The following MESP1 variants were observed in gnomAD, a reference collection of about 807,000 sequenced individuals.
MESP1 encodes mesoderm posterior bHLH transcription factor 1.
MESP1 carries 22 observed loss-of-function variants against 15.2 expected under a neutral mutation model. The observed-to-expected ratio is 1.45, with a 90% CI of 1.04 to 2.07. MESP1 has a LOEUF of 2.07. Among genes scored for constraint, MESP1 ranks in the 30% most tolerant of loss-of-function variants. The probability of loss-of-function intolerance (pLI) is 0.00; values close to 1 mark genes in which losing one functional copy is unlikely to be tolerated. For missense variants in MESP1, 484 were observed against 411.9 expected, an observed-to-expected ratio of 1.17 and a Z score of -1.51; for synonymous variants, 216 against 192.6, an observed-to-expected ratio of 1.12 and a Z score of -1.01.
the MESP1 span, chr15:89,737,430 C>A: frequency 8.9e-7 from 1 of 1,118,134 alleles, no homozygotes; most frequent in Non-Finnish European, 1.3e-6. Flanking sequence ...CTCCAGCAGC[C>A]CTGGATGGAT....
chr15:89,735,022 A>T, the MESP1 span, among the ~76,000 whole-genome samples: 45 of 134,402 alleles, frequency 3.3e-4, no homozygotes, highest in Admixed American at 2.5e-3. Flanking sequence ...CCTTCCGTGC[A>T]TCCTTCTTTC....
downstream of MESP1, among the ~76,000 whole-genome samples, chr15:89,745,477 G>A (rs115265700): frequency 0.021 from 3,212 of 152,226 alleles, 121 homozygotes; most frequent in African/African-American, 0.074. This position sits in a 1 kb window ranked among gnomAD's most constrained non-coding sequence, Gnocchi z 4.8. Context: ...TCAAGAACCT[G>A]TGTTGGCCGG....
chr15:89,737,497 G>A, the MESP1 span: 2 of 1,572,650 alleles, frequency 1.3e-6, no homozygotes, highest in East Asian at 2.2e-5. Context: ...TTCCTTACTG[G>A]GGTGACCTCT....
downstream of MESP1, chr15:89,748,751 T>C (rs1248169309): frequency 6.6e-6 from 1 of 151,482 alleles, no homozygotes; most frequent in African/African-American, 2.4e-5. Context: ...GGACTGGGAG[T>C]AGGGAATAGT....
At chr15:89,746,090 A>C (rs527684143), downstream of MESP1, among the ~76,000 whole-genome samples, 13 of 147,100 alleles carry the variant, frequency 8.8e-5, no homozygotes, top group Non-Finnish European at 1.3e-4. Flanking sequence ...ACACACCTCC[A>C]CACAGCATCC....
chr15:89,748,373 C>T (rs568342907), downstream of MESP1, among the ~76,000 whole-genome samples: 22 of 152,114 alleles, frequency 1.4e-4, no homozygotes, highest in East Asian at 5.8e-4. Flanking sequence ...AGCGCCAGGC[C>T]GGGTGTGCCC....
At chr15:89,733,936 ATCTC>A in the MESP1 span, among the ~76,000 whole-genome samples, 1 of 150,260 alleles carries the variant, frequency 6.7e-6, no homozygotes, top group African/African-American at 2.4e-5. Context: ...TTCTCCAGGG[ATCTC>A]TCTCTCTTTT....
chr15:89,743,332 C>A, the MESP1 span: 6 of 1,614,056 alleles, frequency 3.7e-6, no homozygotes, highest in African/African-American at 6.7e-5. Context: ...GGAGGAGGAG[C>A]ACTGGGCCCG....
the MESP1 span, chr15:89,738,191 A>C: frequency 6.1e-4 from 985 of 1,613,870 alleles, 1 homozygote; most frequent in Non-Finnish European, 7.9e-4. Flanking sequence ...GCCTTCCCCC[A>C]AGCACTGCCA....
chr15:89,748,934 G>T (rs966707945), downstream of MESP1: 1 of 152,224 alleles, frequency 6.6e-6, no homozygotes, highest in Non-Finnish European at 1.5e-5. Flanking sequence ...AACAGACACT[G>T]AAGCCTGTGT....
At chr15:89,735,061 T>G in the MESP1 span, among the ~76,000 whole-genome samples, 3 of 151,624 alleles carry the variant, frequency 2.0e-5, no homozygotes, top group Non-Finnish European at 4.4e-5. Flanking sequence ...TGTTTGGTTT[T>G]GTTTGAGACA....
At position 89,749,928 on chromosome 15, in the gene MESP1, C is replaced by T; in HGVS notation, c.*216G>A. Reference sequence around the variant, plus strand: ...AATAAATTCACATTAGGCAGAGCCTCCTGCTTGCCTCAAAGTGTCTAGCCC... The same window carrying T: ...AATAAATTCACATTAGGCAGAGCCTTCTGCTTGCCTCAAAGTGTCTAGCCC... On this transcript the variant is annotated 3_prime_UTR_variant, in exon 2 of 2. Transcript: ENST00000300057. 1.7e-6 allele frequency: 1 copy of T among 575,194 alleles called. No homozygotes were observed. Among genetic ancestry groups the T allele is most frequent in the East Asian group, 2.8e-5 (1 of 35,594 alleles). 35.6% of individuals were successfully genotyped at this position (575,194 alleles called of 1,614,324 possible).
At chr15:89,737,269 C>A in the MESP1 span, among the ~76,000 whole-genome samples, 34 of 152,250 alleles carry the variant, frequency 2.2e-4, no homozygotes, top group Non-Finnish European at 2.9e-4. Context: ...GGAATCTTGG[C>A]TACATGGAGG....
At chr15:89,750,309 G>A (rs1490994196) in intron 1 of MESP1, 82 bp from the exon 2 acceptor site, 6 of 1,575,850 alleles carry the variant, frequency 3.8e-6, no homozygotes, top group South Asian at 1.1e-5. Flanking sequence ...TCCACTCTCA[G>A]GGGGCCCCTA....
intron 1 of MESP1, 26 bp downstream of exon 1, chr15:89,750,482 AG>A (rs1475253240): frequency 1.4e-6 from 2 of 1,439,116 alleles, no homozygotes; most frequent in South Asian, 2.8e-5. Flanking sequence ...GCACGGACGA[AG>A]GGGGCGCGGG....
chr15:89,739,060 G>A, the MESP1 span, among the ~76,000 whole-genome samples: 26 of 151,332 alleles, frequency 1.7e-4, no homozygotes, highest in Non-Finnish European at 3.5e-4. Context: ...AGGATGCAGT[G>A]AGCCAAGATC....
downstream of MESP1, among the ~76,000 whole-genome samples, chr15:89,747,208 G>A (rs1469175225): frequency 6.6e-6 from 1 of 151,810 alleles, no homozygotes; most frequent in African/African-American, 2.4e-5. Flanking sequence ...GCCCACAGTT[G>A]GCCCGTCCCC....
chr15:89,738,755 A>G, the MESP1 span, among the ~76,000 whole-genome samples: 1 of 152,118 alleles, frequency 6.6e-6, no homozygotes, highest in Admixed American at 6.5e-5. Flanking sequence ...GGGAGAAAAG[A>G]AGGGCTTCCA....
At chr15:89,736,075 A>G in the MESP1 span, among the ~76,000 whole-genome samples, 1 of 152,182 alleles carries the variant, frequency 6.6e-6, no homozygotes, top group East Asian at 1.9e-4. Flanking sequence ...ACTGCGCAGA[A>G]GGATACAGAT....
Sources: allele counts gnomAD v4.1 joint callset (sites outside exome capture counted in the v4.1 genomes callset), GRCh38; gene constraint gnomAD v4.1.1; non-coding constraint Gnocchi (gnomAD v3.1); transcripts MANE v1.5; gene names NCBI Gene and HGNC (gene_info 2026-07-23, HGNC 2026-07-21).